The following SYNE3 variants were observed in gnomAD, a reference collection of about 807,000 sequenced individuals.
SYNE3 encodes nesprin-3.
Under a neutral mutation model 111.2 loss-of-function variants are expected in SYNE3, and 100 were observed. That is an observed-to-expected ratio of 0.90 (90% CI 0.77 to 1.06). SYNE3 has a LOEUF of 1.06. Ranked by LOEUF, SYNE3 falls within the 50% of genes least tolerant of loss-of-function variation. SYNE3 has a pLI of 0.00. For missense variants in SYNE3, 1,160 were observed against 1,240.3 expected (o/e 0.94, Z 0.97); for synonymous variants, 547 against 533.9 (o/e 1.02, Z -0.34).
intron 7 of SYNE3, chr14:95,450,742 T>G (rs1887026463): frequency 6.6e-6 from 1 of 152,276 alleles, no homozygotes; most frequent in South Asian, 2.1e-4. Flanking sequence ...TATAAAGAGC[T>G]GGGAGTTTGG....
chr14:95,449,943 C>T lies in SYNE3; in HGVS notation c.1437G>A (p.Leu479=). 1.3e-6 allele frequency: 2 copies of T among 1,552,308 alleles called. No homozygotes were observed. Among genetic ancestry groups the T allele is most frequent in the Non-Finnish European group, 1.7e-6 (2 of 1,147,848 alleles). Residue 479 remains leucine (L), a synonymous_variant, in exon 8 of 18, where the codon CTG becomes CTA. Transcript: ENST00000682763. ...LPDLPSLHTF[L]PQIEAALMES... ...GGACCACGGTTACCTCGATCTGGGG[C>T]AGGAAGGTGTGAAGGGAAGGCAGGT...
intron 1 of SYNE3, among the ~76,000 whole-genome samples, chr14:95,486,174 C>T (rs899614804): frequency 6.6e-6 from 1 of 152,152 alleles, no homozygotes; most frequent in African/African-American, 2.4e-5. Context: ...CTCCCATCTG[C>T]TCTGGGGCAA....
intron 4 of SYNE3, 70 bp downstream of exon 4, chr14:95,465,861 G>A: frequency 6.8e-7 from 1 of 1,466,152 alleles, no homozygotes; most frequent in Non-Finnish European, 9.1e-7. Context: ...AACAGTGGCT[G>A]GAATGGGTAG....
intron 2 of SYNE3, among the ~76,000 whole-genome samples, chr14:95,469,035 G>T (rs138534750): frequency 6.6e-6 from 1 of 152,266 alleles, no homozygotes; most frequent in African/African-American, 2.4e-5. Context: ...GGAGAGCCAT[G>T]AGCACGCTGC....
chr14:95,427,775 TA>T (rs879543117), intron 17 of SYNE3, among the ~76,000 whole-genome samples: 4 of 22,160 alleles, frequency 1.8e-4, no homozygotes, highest in Non-Finnish European at 3.3e-4. Flanking sequence ...GTCTTGGTGG[TA>T]GTGGTCCCCA....
Position 95,409,321 on chromosome 14 carries a change from G to A in SYNE3, c.*8505C>T, listed in dbSNP as rs557522891. The stretch of plus-strand genomic sequence containing the variant: ...AAAGTGTCATGACCATATTGCAGGC[G>A]CTCGGGGTATGTTTTCTTCCCTCCC... On this transcript the variant is annotated 3_prime_UTR_variant, in exon 18 of 18. Coordinates refer to ENST00000682763, the MANE Select transcript of SYNE3 (RefSeq NM_152592.6). 31 of 456,724 alleles carry A rather than the reference G, an allele frequency of 6.8e-5. No homozygotes were observed. The highest frequency in any genetic ancestry group is 3.3e-4 in the Middle Eastern group (1 of 3,076). 28.3% of individuals were successfully genotyped at this position (456,724 alleles called of 1,614,324 possible). A position where few individuals can be genotyped will look rare whatever the true frequency, so the allele number is the denominator to read the frequency against.
At chr14:95,463,619 A>T (rs1037861644) in intron 4 of SYNE3, among the ~76,000 whole-genome samples, 9 of 152,358 alleles carry the variant, frequency 5.9e-5, no homozygotes, top group South Asian at 2.1e-4. Flanking sequence ...ATTGCCATGA[A>T]GCCTGCCCAT....
rs1336907364 is a variant in SYNE3, at chr14:95,466,084, C to T, written c.474G>A (p.Val158=). The change falls in exon 4 of 18, where the codon GTG becomes GTA. Residue 158 remains valine, a synonymous_variant. Coordinates refer to ENST00000682763, the MANE Select transcript of SYNE3 (RefSeq NM_152592.6). ...CCTGGTTGTCCACGTTGTGCAGCAG[C>T]ACCTGGGCGTGGCTCAGCTGCCACT... ...EKQWQLSHAQ[V]LLHNVDNQAV... 1 of 1,613,306 alleles carries T rather than the reference C, an allele frequency of 6.2e-7. No homozygotes were observed. Among genetic ancestry groups the T allele is most frequent in the South Asian group, 1.1e-5 (1 of 91,072 alleles).
At chr14:95,466,394 T>A (rs1202825973) in intron 3 of SYNE3, among the ~76,000 whole-genome samples, 154 bp from the exon 4 acceptor site, 3 of 152,164 alleles carry the variant, frequency 2.0e-5, no homozygotes, top group African/African-American at 7.2e-5. Flanking sequence ...GGGCAGCTTG[T>A]TGACACTCCA....
At chr14:95,516,423 C>T (rs1890933850) in intron 1 of SYNE3, among the ~76,000 whole-genome samples, 173 bp downstream of exon 1, 1 of 152,070 alleles carries the variant, frequency 6.6e-6, no homozygotes, top group Non-Finnish European at 1.5e-5. Flanking sequence ...AGCTGTCACG[C>T]CGGGGCCCCC....
chr14:95,455,772 A>T, intron 5 of SYNE3, 48 bp from the exon 6 acceptor site: 1 of 1,576,634 alleles, frequency 6.3e-7, no homozygotes, highest in Non-Finnish European at 8.7e-7. Context: ...GAAAAAGAAT[A>T]CAGTTGCTGC....
chr14:95,460,784 A>G (rs1887755594), intron 4 of SYNE3, among the ~76,000 whole-genome samples: 1 of 152,162 alleles, frequency 6.6e-6, no homozygotes, highest in Non-Finnish European at 1.5e-5. Flanking sequence ...AGGCTCATTC[A>G]TGAAACAAAG....
In SYNE3 at chr14:95,464,835, C is replaced by T. The variant is rs991814865; in HGVS notation, c.627+1096G>A. ...TGTCAGGGGACACATAGGTGCCTGA[C>T]GTGGAACTTCAGCCTTAGACCTGGA... On this transcript the variant is annotated intron_variant, in intron 4 of 17. Coordinates refer to ENST00000682763, the MANE Select transcript of SYNE3 (RefSeq NM_152592.6). Among the ~76,000 whole-genome samples, 42 of 152,188 alleles carry T rather than the reference C, an allele frequency of 2.8e-4. 1 individual carries two copies. Among genetic ancestry groups the T allele is most frequent in the Admixed American group, 1.6e-3 (25 of 15,286 alleles).
At chr14:95,454,334 C>T (rs1887279076) in intron 6 of SYNE3, among the ~76,000 whole-genome samples, 1 of 152,270 alleles carries the variant, frequency 6.6e-6, no homozygotes, top group South Asian at 2.1e-4. Context: ...TCCCTGTCTC[C>T]ACCTATTGGA....
intron 17 of SYNE3, among the ~76,000 whole-genome samples, chr14:95,425,656 T>C (rs1187757): frequency 0.58 from 88,359 of 152,008 alleles, 26,899 homozygotes; most frequent in Admixed American, 0.67. Flanking sequence ...CACACTAATG[T>C]AAGATGTTAA....
chr14:95,486,937 C>A (rs1889580726), intron 1 of SYNE3, among the ~76,000 whole-genome samples: 1 of 152,174 alleles, frequency 6.6e-6, no homozygotes, highest in Non-Finnish European at 1.5e-5. Flanking sequence ...TGCCTCCTGC[C>A]AGCCCTACAG....
intron 16 of SYNE3, 74 bp downstream of exon 16, chr14:95,433,186 G>A: frequency 6.4e-7 from 1 of 1,563,152 alleles, no homozygotes; most frequent in Non-Finnish European, 8.7e-7. Flanking sequence ...GCTTAGCACT[G>A]TATCCCCAGG....
intron 1 of SYNE3, among the ~76,000 whole-genome samples, chr14:95,513,090 A>G (rs1327940904): frequency 6.6e-6 from 1 of 152,176 alleles, no homozygotes; most frequent in African/African-American, 2.4e-5. Context: ...GTATAAAGGC[A>G]TGTATAAAAC....
intron 6 of SYNE3, among the ~76,000 whole-genome samples, chr14:95,452,710 C>A (rs147563186): frequency 1.3e-5 from 2 of 152,322 alleles, no homozygotes; most frequent in Non-Finnish European, 2.9e-5. Context: ...AGGCTGAGCG[C>A]CCTGGGTGTC....
Sources: allele counts gnomAD v4.1 joint callset (sites outside exome capture counted in the v4.1 genomes callset), GRCh38; gene constraint gnomAD v4.1.1; transcripts MANE v1.5; gene names NCBI Gene and HGNC (gene_info 2026-07-23, HGNC 2026-07-21).